Variants in ADAMTS3 observed in about 807,000 individuals in gnomAD.
The protein encoded by ADAMTS3 is A disintegrin and metalloproteinase with thrombospondin motifs 3.
ADAMTS3 carries 73 observed loss-of-function variants against 129.0 expected under a neutral mutation model. The ratio of observed to expected loss-of-function variants is 0.57; its 90% CI spans 0.47 to 0.69. ADAMTS3 has a LOEUF of 0.69. Among genes scored for constraint, ADAMTS3 ranks in the 30% least tolerant of loss-of-function variants. ADAMTS3 has a pLI of 0.00. For synonymous variants in ADAMTS3, 477 were observed against 510.8 expected, an observed-to-expected ratio of 0.93 and a Z score of 0.89; for missense variants, 1,457 against 1,514.5, an observed-to-expected ratio of 0.96 and a Z score of 0.63.
At chr4:72,435,664 A>G (rs928575610) in intron 3 of ADAMTS3, among the ~76,000 whole-genome samples, 3 of 151,796 alleles carry the variant, frequency 2.0e-5, no homozygotes, top group Admixed American at 1.3e-4. Context: ...AGATATAGAC[A>G]AATGGAACAG....
At chr4:72,480,128 T>A (rs1281052987) in intron 3 of ADAMTS3, among the ~76,000 whole-genome samples, 1 of 151,092 alleles carries the variant, frequency 6.6e-6, no homozygotes, top group Non-Finnish European at 1.5e-5. Context: ...ATTGTGGAAG[T>A]CAGTGTGGCG....
rs139922121 is a variant in ADAMTS3 at position 72,474,057 on chromosome 4, T to A, written c.505-59086A>T. The stretch of plus-strand genomic sequence containing the variant: ...CACCTGGCAGTAACAAGGGAGCTCC[T>A]TCCCCACATATCTGCTAAAATGGTG... On this transcript the variant is annotated intron_variant, in intron 3 of 21. Coordinates refer to ENST00000286657, the MANE Select transcript of ADAMTS3 (RefSeq NM_014243.3). Among the ~76,000 whole-genome samples, 857 of 152,188 alleles carry A rather than the reference T, an allele frequency of 5.6e-3. 2 individuals are homozygous for A. The highest frequency in any genetic ancestry group is 9.3e-3 in the Non-Finnish European group (629 of 67,980).
At chr4:72,416,573 C>A (rs2109928397) in intron 3 of ADAMTS3, among the ~76,000 whole-genome samples, 1 of 152,222 alleles carries the variant, frequency 6.6e-6, no homozygotes, top group African/African-American at 2.4e-5. Flanking sequence ...TCCAGATACT[C>A]CAATAATTGG....
intron 3 of ADAMTS3, among the ~76,000 whole-genome samples, chr4:72,452,779 C>T (rs1418307695): frequency 6.6e-6 from 1 of 151,696 alleles, no homozygotes; most frequent in Non-Finnish European, 1.5e-5. Flanking sequence ...CCCACCACTT[C>T]CTTCAAAGCA....
chr4:72,472,807 A>G (rs1390218320), intron 3 of ADAMTS3, among the ~76,000 whole-genome samples: 2 of 152,168 alleles, frequency 1.3e-5, no homozygotes, highest in African/African-American at 4.8e-5. Context: ...TATGTTGACA[A>G]TTGTAGAATG....
chr4:72,410,291 A>G (rs1396331355), intron 4 of ADAMTS3, among the ~76,000 whole-genome samples: 4 of 152,092 alleles, frequency 2.6e-5, no homozygotes, highest in African/African-American at 9.7e-5. Context: ...GCAACTCCCA[A>G]ATCATTTCTG....
intron 15 of ADAMTS3, among the ~76,000 whole-genome samples, chr4:72,306,465 T>C (rs1008463107): frequency 6.6e-6 from 1 of 152,010 alleles, no homozygotes; most frequent in Non-Finnish European, 1.5e-5. Flanking sequence ...TGTAAACTTT[T>C]TGGGATATGT....
intron 3 of ADAMTS3, among the ~76,000 whole-genome samples, chr4:72,481,902 A>T (rs1162016215): frequency 6.6e-6 from 1 of 152,150 alleles, no homozygotes; most frequent in Non-Finnish European, 1.5e-5. Flanking sequence ...ATGGAAAATA[A>T]GCACATGAAA....
In ADAMTS3 at chr4:72,429,179, T is replaced by C. The variant is rs72656028; in HGVS notation, c.505-14208A>G. 7.4e-3 allele frequency among the ~76,000 whole-genome samples: 1,128 copies of C among 152,198 alleles called. 7 individuals carry two copies. The highest frequency in any genetic ancestry group is 0.01 in the Non-Finnish European group (712 of 67,974). ...ATCAAAATGAACTTTTGGATGTTTA[T>C]TCTTTTGCTCCAAAATGAATTTTAA... On this transcript the variant is annotated intron_variant, in intron 3 of 21. Transcript: ENST00000286657.
chr4:72,348,331 G>T (rs1720339570), intron 4 of ADAMTS3, among the ~76,000 whole-genome samples: 1 of 152,058 alleles, frequency 6.6e-6, no homozygotes, highest in South Asian at 2.1e-4. Context: ...AATGGGCTGA[G>T]ATCTTGCAAA....
At chr4:72,339,034 G>T (rs1720060292) in intron 5 of ADAMTS3, among the ~76,000 whole-genome samples, 1 of 152,076 alleles carries the variant, frequency 6.6e-6, no homozygotes, top group African/African-American at 2.4e-5. Flanking sequence ...AATCACATTT[G>T]TTCAAAAGCT....
chr4:72,359,741 T>A (rs1279152608), intron 4 of ADAMTS3, among the ~76,000 whole-genome samples: 1 of 152,056 alleles, frequency 6.6e-6, no homozygotes, highest in Non-Finnish European at 1.5e-5. Flanking sequence ...ATTAAATGAA[T>A]ACACACTGAT....
At chr4:72,512,301 G>A (rs1296051627) in intron 3 of ADAMTS3, among the ~76,000 whole-genome samples, 2 of 152,078 alleles carry the variant, frequency 1.3e-5, no homozygotes, top group African/African-American at 2.4e-5. Context: ...AGACCAGCCT[G>A]GCCAATATGG....
intron 3 of ADAMTS3, among the ~76,000 whole-genome samples, chr4:72,423,375 C>T (rs1722492842): frequency 6.6e-6 from 1 of 151,986 alleles, no homozygotes; most frequent in Non-Finnish European, 1.5e-5. Flanking sequence ...TCTAGTAAGA[C>T]TATCATTATA....
chr4:72,349,800 CA>C (rs1477996980), intron 4 of ADAMTS3, among the ~76,000 whole-genome samples: 1 of 151,854 alleles, frequency 6.6e-6, no homozygotes, highest in Non-Finnish European at 1.5e-5. Context: ...AGAAGAGTTC[CA>C]AACATGGAAT....
chr4:72,416,075 C>G (rs917109070), intron 3 of ADAMTS3, among the ~76,000 whole-genome samples: 1 of 149,394 alleles, frequency 6.7e-6, no homozygotes, highest in African/African-American at 2.5e-5. Flanking sequence ...CTTACTCCTT[C>G]GAACTATGTT....
At chr4:72,365,623 C>T (rs948299499) in intron 4 of ADAMTS3, among the ~76,000 whole-genome samples, 1 of 152,094 alleles carries the variant, frequency 6.6e-6, no homozygotes, top group Non-Finnish European at 1.5e-5. Context: ...TTTATAACAT[C>T]AATTTTCTGA....
At chr4:72,557,918 A>C (rs1364835472) in intron 2 of ADAMTS3, among the ~76,000 whole-genome samples, 3 of 151,896 alleles carry the variant, frequency 2.0e-5, no homozygotes, top group African/African-American at 7.3e-5. Flanking sequence ...CAGTTTTTAA[A>C]TAAGTACTTC....
chr4:72,393,944 A>G (rs1179893792), intron 4 of ADAMTS3, among the ~76,000 whole-genome samples: 3 of 152,210 alleles, frequency 2.0e-5, no homozygotes, highest in Non-Finnish European at 2.9e-5. Context: ...GGACAGTAGA[A>G]GATTAAAAGT....
Sources: gnomAD v4.1 joint callset for allele counts (sites outside exome capture counted in the v4.1 genomes callset) on GRCh38, gnomAD v4.1.1 for gene constraint, MANE v1.5 for transcripts, NCBI Gene and HGNC (gene_info 2026-07-23, HGNC 2026-07-21) for gene names.